The following NFATC1 variants were observed in gnomAD, a reference collection of about 807,000 sequenced individuals.
NFATC1 encodes nuclear factor of activated T cells 1.
Under a neutral mutation model 76.0 loss-of-function variants are expected in NFATC1, and 22 were observed. The ratio of observed to expected loss-of-function variants is 0.29; its 90% confidence interval spans 0.21 to 0.41. The LOEUF is 0.41. Among genes scored for constraint, NFATC1 ranks in the 10% least tolerant of loss-of-function variants. The pLI is 1.00. For missense variants in NFATC1, 1,357 were observed against 1,337.7 expected, an observed-to-expected ratio of 1.01 and a Z score of -0.23; for synonymous variants, 704 against 613.1, an observed-to-expected ratio of 1.15 and a Z score of -2.19.
chr18:79,457,005 T>A (rs2087768595), intron 6 of NFATC1, among the ~76,000 whole-genome samples: 1 of 152,216 alleles, frequency 6.6e-6, no homozygotes, highest in African/African-American at 2.4e-5. Context: ...CCCAACAGTT[T>A]AAAGGCCAAA....
In NFATC1 at chr18:79,486,498, C is replaced by T. The variant is rs781772905; in HGVS notation, c.2343C>T (p.Ala781=). Residue 781 remains alanine, a synonymous_variant, in exon 9 of 10, where the codon GCC becomes GCT. Coordinates refer to ENST00000427363, the MANE Select transcript of NFATC1 (RefSeq NM_001278669.2). ...LSPAAYTKGV[A]SPGHCHLGLP... ...CCGCTGCCTACACCAAGGGCGTTGC[C>T]AGCCCGGGCCACTGTCACCTCGGAC... is the stretch of plus-strand genomic sequence containing the variant. 5.0e-6 allele frequency: 8 copies of T among 1,604,832 alleles called. No homozygotes were observed. The highest frequency in any genetic ancestry group is 5.9e-6 in the Non-Finnish European group (7 of 1,179,470).
intron 1 of NFATC1, among the ~76,000 whole-genome samples, chr18:79,403,738 A>G (rs200524802): frequency 1.3e-5 from 2 of 152,256 alleles, no homozygotes; most frequent in East Asian, 3.8e-4. Flanking sequence ...GTGGAAAGGC[A>G]ACATCTTATG....
intron 1 of NFATC1, among the ~76,000 whole-genome samples, chr18:79,407,695 T>C (rs548594521): frequency 6.6e-6 from 1 of 152,332 alleles, no homozygotes; most frequent in South Asian, 2.1e-4. Context: ...TCCGCCCACC[T>C]CGGCCTCCCA....
Position 79,410,918 on chromosome 18 carries a change from A to C in NFATC1, c.643A>C (p.Thr215Pro). The part of the protein sequence containing the change: ...WQSPCVSPKT[T>P]DPEEGFPRGL... ...GTCTCCCTGCGTGTCTCCCAAGACC[A>C]CGGACCCCGAGGAGGGCTTTCCCCG... is the stretch of plus-strand genomic sequence containing the variant. Residue 215 changes from threonine (T) to proline (P), a missense_variant, in exon 2 of 10, where the codon ACG becomes CCG. By Grantham distance (38) the Thr-to-Pro change is conservative (BLOSUM62 -1). Transcript: ENST00000427363. The surrounding 1 kb of genome is among the most constrained non-coding windows in gnomAD (Gnocchi z 6.7). The C allele has an allele frequency of 6.2e-7, 1 of 1,606,376 alleles. No homozygotes were observed. The highest frequency in any genetic ancestry group is 1.1e-5 in the South Asian group (1 of 90,502).
intron 9 of NFATC1, among the ~76,000 whole-genome samples, chr18:79,493,051 C>T (rs892986776): frequency 1.3e-5 from 2 of 152,272 alleles, no homozygotes; most frequent in African/African-American, 2.4e-5. Flanking sequence ...TCCCCTCAGA[C>T]TTCTCGAGCA....
At position 79,482,025 on chromosome 18, in the gene NFATC1, T is replaced by G. The variant is rs2089293197; in HGVS notation, c.2093-4223T>G. Among the ~76,000 whole-genome samples the G allele has an allele frequency of 2.1e-5, 3 of 140,844 alleles. No homozygotes were observed. The South Asian group carries it at 7.4e-4, about 35-fold the overall frequency. The allele number at this position is 140,844 out of a possible 152,430, so 92.4% of individuals were successfully genotyped here. On this transcript the variant is annotated intron_variant, in intron 8 of 9. Transcript: ENST00000427363. ...TGTCATTCCAGTGTGACCTGGTTCC[T>G]GGGGTGTCATTCCAGCGTGAGCTGT...
At chr18:79,511,749 T>G (rs2090259582) in intron 9 of NFATC1, among the ~76,000 whole-genome samples, 1 of 151,748 alleles carries the variant, frequency 6.6e-6, no homozygotes, top group Admixed American at 6.6e-5. Context: ...AGGCTCTCAG[T>G]GGGGGGCCAG....
intron 3 of NFATC1, among the ~76,000 whole-genome samples, chr18:79,440,633 C>A (rs2086938028): frequency 6.6e-6 from 1 of 152,216 alleles, no homozygotes; most frequent in African/African-American, 2.4e-5. Context: ...GGACCTGGGG[C>A]TGTGACCCAG....
rs542401623 is a variant in NFATC1, at chr18:79,398,785, C to T, written c.127+2434C>T. Among the ~76,000 whole-genome samples, 37 of 152,352 alleles carry T rather than the reference C, an allele frequency of 2.4e-4. 1 individual carries two copies. The East Asian group carries it at 6.8e-3, about 28-fold the overall frequency. On this transcript the variant is annotated intron_variant, in intron 1 of 9. Transcript: ENST00000427363. ...TGGCTGGAGTTTTAAAAACAATGTA[C>T]AGGCCGGGCGCCGCGGCTCACGCCT...
Position 79,528,011 on chromosome 18 carries a change from A to G in NFATC1, c.*434A>G. 2.4e-6 allele frequency: 1 copy of G among 412,670 alleles called. No homozygotes were observed. Among genetic ancestry groups the G allele is most frequent in the South Asian group, 1.1e-4 (1 of 8,934 alleles). 25.6% of individuals were successfully genotyped at this position (412,670 alleles called of 1,614,324 possible). ...TGTAGGAGTATTTTTAGGAGCAGAA[A>G]CTGCAAACACATTTCATTGTGAGGT... On this transcript the variant is annotated 3_prime_UTR_variant, in exon 10 of 10. Coordinates refer to ENST00000427363, the MANE Select transcript of NFATC1 (RefSeq NM_001278669.2).
At chr18:79,487,881 T>C (rs187367352) in intron 9 of NFATC1, among the ~76,000 whole-genome samples, 2 of 152,294 alleles carry the variant, frequency 1.3e-5, no homozygotes, top group African/African-American at 4.8e-5. Context: ...CGCTCGTGTT[T>C]TCTGCTCGAA....
chr18:79,520,373 G>C (rs1464758275), intron 9 of NFATC1, among the ~76,000 whole-genome samples: 1 of 140,260 alleles, frequency 7.1e-6, no homozygotes, highest in East Asian at 2.0e-4. Context: ...TCACAGCACA[G>C]TGGAAGGCGA....
At chr18:79,450,832 T>C (rs2087439913) in intron 4 of NFATC1, 122 bp from the exon 5 acceptor site, 1 of 1,246,520 alleles carries the variant, frequency 8.0e-7, no homozygotes, top group African/African-American at 1.5e-5. Context: ...AAGGGGAGAG[T>C]GGCCAGCTGC....
At chr18:79,436,536 G>T (rs893024986) in intron 3 of NFATC1, among the ~76,000 whole-genome samples, 1 of 152,174 alleles carries the variant, frequency 6.6e-6, no homozygotes, top group African/African-American at 2.4e-5. Flanking sequence ...TCCCGCACCC[G>T]GCGTCCGCGT....
chr18:79,431,901 C>T (rs547440820), intron 2 of NFATC1, among the ~76,000 whole-genome samples: 1 of 152,280 alleles, frequency 6.6e-6, no homozygotes, highest in African/African-American at 2.4e-5. Flanking sequence ...CAGGGTTTCA[C>T]CATGTTGGCC....
chr18:79,403,569 G>A (rs2085337198), intron 1 of NFATC1, among the ~76,000 whole-genome samples: 1 of 152,264 alleles, frequency 6.6e-6, no homozygotes, highest in African/African-American at 2.4e-5. Context: ...CAGCTTGGCT[G>A]CTGCCAGCAC....
intron 2 of NFATC1, among the ~76,000 whole-genome samples, chr18:79,420,421 A>C (rs1284477809): frequency 2.8e-5 from 4 of 145,444 alleles, no homozygotes; most frequent in Non-Finnish European, 4.5e-5. Context: ...AGAGGGGAAG[A>C]GGGGGACGCC....
rs527504084 is a variant in NFATC1, at chr18:79,400,573, C to T, written c.127+4222C>T. On this transcript the variant is annotated intron_variant, in intron 1 of 9. Transcript: ENST00000427363. ...CCGCGTCCTCGTCGCTCCCCGGGGA[C>T]CCCAGGAGTCCCCGGCGCGCCCGGG... is the stretch of plus-strand genomic sequence containing the variant. 1.1e-4 allele frequency: 121 copies of T among 1,111,990 alleles called. 2 individuals are homozygous for T. In the South Asian group the frequency reaches 3.0e-3, roughly 27 times the overall value. The allele number at this position is 1,111,990 out of a possible 1,614,324, so 68.9% of individuals were successfully genotyped here.
intron 1 of NFATC1, among the ~76,000 whole-genome samples, chr18:79,406,849 C>T (rs1350654395): frequency 6.6e-6 from 1 of 151,980 alleles, no homozygotes; most frequent in Non-Finnish European, 1.5e-5. Flanking sequence ...GCCGCAGAGC[C>T]AGCCACGGCT....
Sources: allele counts gnomAD v4.1 joint callset (sites outside exome capture counted in the v4.1 genomes callset), GRCh38; gene constraint gnomAD v4.1.1; non-coding constraint Gnocchi (gnomAD v3.1); transcripts MANE v1.5; gene names NCBI Gene and HGNC (gene_info 2026-07-23, HGNC 2026-07-21).